Variants in PBRM1 observed in about 807,000 individuals in gnomAD.
The protein encoded by PBRM1 is protein polybromo-1.
PBRM1 carries 27 observed loss-of-function variants against 194.5 expected under a neutral mutation model. That is an observed-to-expected ratio of 0.14 (90% CI 0.10 to 0.19). The LOEUF is 0.19. PBRM1 is among the 10% of genes least tolerant of loss of function. PBRM1 has a pLI of 1.00. For synonymous variants in PBRM1, 655 were observed against 693.2 expected (o/e 0.94, Z 0.87); for missense variants, 1,466 against 2,077.2 (o/e 0.71, Z 5.72).
In PBRM1 at chr3:52,622,138, G is replaced by C. The variant is rs911787062; in HGVS notation, c.1542-4600C>G. On this transcript the variant is annotated intron_variant, in intron 13 of 29. Coordinates refer to ENST00000296302, the Ensembl canonical transcript of PBRM1. ...GCAGATCACCTAAGGTCAGGAGTTC[G>C]AGACCAGCCTGGCCAACATGGCAAA... Among the ~76,000 whole-genome samples, 63 of 152,040 alleles carry C rather than the reference G, an allele frequency of 4.1e-4. 2 individuals are homozygous for C.
At chr3:52,572,277 G>A (rs376309034) in intron 22 of PBRM1, among the ~76,000 whole-genome samples, 2 of 152,086 alleles carry the variant, frequency 1.3e-5, no homozygotes, top group Non-Finnish European at 2.9e-5. Context: ...ATTAGGAATC[G>A]GCATGTTTCA....
intron 17 of PBRM1, among the ~76,000 whole-genome samples, chr3:52,591,511 G>GTTTTTTTTTTT (rs57736913): frequency 7.1e-4 from 51 of 71,854 alleles, no homozygotes; most frequent in African/African-American, 8.3e-4. Flanking sequence ...TTTTGTCTTT[G>GTTTTTTTTTTT]TTTTTTTTTT....
intron 4 of PBRM1, among the ~76,000 whole-genome samples, chr3:52,661,932 T>C (rs1211341010): frequency 6.6e-6 from 1 of 152,198 alleles, no homozygotes; most frequent in Non-Finnish European, 1.5e-5. Flanking sequence ...TTACCACACA[T>C]GGCACACGTT....
chr3:52,563,932 T>C (rs1329674302), intron 23 of PBRM1, 118 bp downstream of exon 25: 1 of 640,872 alleles, frequency 1.6e-6, no homozygotes, highest in East Asian at 2.8e-5. Flanking sequence ...ATATTTTCTA[T>C]TTGAAATATT....
At chr3:52,658,745 C>T (rs1362538782) in intron 4 of PBRM1, among the ~76,000 whole-genome samples, 1 of 152,050 alleles carries the variant, frequency 6.6e-6, no homozygotes, top group Non-Finnish European at 1.5e-5. Context: ...TCAAGAATAC[C>T]CCATAATGTT....
At chr3:52,655,761 A>C (rs2096596179) in intron 5 of PBRM1, among the ~76,000 whole-genome samples, 1 of 152,202 alleles carries the variant, frequency 6.6e-6, no homozygotes, top group Non-Finnish European at 1.5e-5. Flanking sequence ...TAATGTTGTA[A>C]CTATCCTATA....
At chr3:52,637,773 CAAAAAAAAA>C (rs755241328) in intron 10 of PBRM1, among the ~76,000 whole-genome samples, 5 of 42,234 alleles carry the variant, frequency 1.2e-4, no homozygotes, top group South Asian at 1.9e-3. Context: ...ACTAAAAATA[CAAAAAAAAA>C]AAAAAAAAAA....
intron 5 of PBRM1, among the ~76,000 whole-genome samples, chr3:52,653,815 C>A (rs1577689561): frequency 1.3e-5 from 2 of 152,028 alleles, no homozygotes; most frequent in Admixed American, 1.3e-4. Context: ...GAGGCTGAGG[C>A]AGGAGAATCG....
chr3:52,594,439 A>G (rs146576489), intron 17 of PBRM1, among the ~76,000 whole-genome samples: 164 of 152,062 alleles, frequency 1.1e-3, no homozygotes, highest in African/African-American at 3.8e-3. Flanking sequence ...ATTTTTCTCC[A>G]TGTCTTTATT....
chr3:52,564,460 G>A (rs1017612761), intron 22 of PBRM1, among the ~76,000 whole-genome samples: 1 of 151,994 alleles, frequency 6.6e-6, no homozygotes, highest in Non-Finnish European at 1.5e-5. Context: ...GGGCAACATA[G>A]TGAGACCCCC....
chr3:52,612,783 G>A (rs2094707456), intron 15 of PBRM1, among the ~76,000 whole-genome samples: 1 of 151,878 alleles, frequency 6.6e-6, no homozygotes, highest in African/African-American at 2.4e-5. Flanking sequence ...GCGTGTCCCT[G>A]TAGTTACAGC....
At chr3:52,625,885 T>TTA (rs763999176) in intron 13 of PBRM1, among the ~76,000 whole-genome samples, 1 of 152,108 alleles carries the variant, frequency 6.6e-6, no homozygotes, top group Non-Finnish European at 1.5e-5. Context: ...GCCAAAAACT[T>TTA]TAGCTTATTT....
intron 13 of PBRM1, among the ~76,000 whole-genome samples, 158 bp downstream of exon 15, chr3:52,624,739 T>A (rs1332128962): frequency 2.6e-5 from 4 of 152,262 alleles, no homozygotes; most frequent in African/African-American, 4.8e-5. Flanking sequence ...CAAGATTTTT[T>A]AAACTGTACT....
chr3:52,606,850 A>C (rs1220980878), intron 16 of PBRM1, among the ~76,000 whole-genome samples: 1 of 152,256 alleles, frequency 6.6e-6, no homozygotes, highest in Non-Finnish European at 1.5e-5. Context: ...CCAGCAGCCA[A>C]CTGGCATGAG....
chr3:52,649,071 T>C (rs1454897607), intron 6 of PBRM1, among the ~76,000 whole-genome samples: 1 of 150,940 alleles, frequency 6.6e-6, no homozygotes, highest in Non-Finnish European at 1.5e-5. Context: ...CTAGAGAGAG[T>C]AAGGAAACCA....
intron 20 of PBRM1, 169 bp downstream of exon 22, chr3:52,586,256 G>A: frequency 1.6e-6 from 1 of 609,252 alleles, no homozygotes; most frequent in East Asian, 2.7e-5. Context: ...AAATTATAAT[G>A]TACAGTTTTG....
chr3:52,601,738 G>A (rs1264248529), intron 17 of PBRM1, among the ~76,000 whole-genome samples: 1 of 152,174 alleles, frequency 6.6e-6, no homozygotes, highest in African/African-American at 2.4e-5. Context: ...TGGGACTCCA[G>A]CTGGCTTGCT....
At chr3:52,635,191 T>C (rs896911528) in intron 10 of PBRM1, among the ~76,000 whole-genome samples, 4 of 152,056 alleles carry the variant, frequency 2.6e-5, no homozygotes, top group Admixed American at 6.6e-5. Context: ...CCTCCTAAAG[T>C]GCTGGGATTA....
chr3:52,564,168 C>T (rs2153526397), exon 23 of PBRM1: 1 of 1,613,832 alleles, frequency 6.2e-7, no homozygotes, highest in Non-Finnish European at 8.5e-7. Flanking sequence ...AGCAGAATGT[C>T]ATTTTCTGGT....
Sources: allele counts gnomAD v4.1 joint callset (sites outside exome capture counted in the v4.1 genomes callset), GRCh38; gene constraint gnomAD v4.1.1; transcripts MANE v1.5; gene names NCBI Gene and HGNC (gene_info 2026-07-23, HGNC 2026-07-21).